RUNX3: variants seen among roughly 807,000 people sequenced by gnomAD.
RUNX3 encodes RUNX family transcription factor 3.
Under a neutral mutation model 27.7 loss-of-function variants are expected in RUNX3, and 10 were observed. The ratio of observed to expected loss-of-function variants is 0.36; its 90% CI spans 0.22 to 0.61. RUNX3 has a LOEUF of 0.61. Among genes scored for constraint, RUNX3 ranks in the 20% least tolerant of loss-of-function variants. The pLI is 0.72. For synonymous variants in RUNX3, 270 were observed against 269.2 expected (o/e 1.00, Z -0.03); for missense variants, 469 against 629.5 (o/e 0.75, Z 2.73).
chr1:24,942,176 G>C (rs576712124), intron 2 of RUNX3, among the ~76,000 whole-genome samples: 2 of 150,286 alleles, frequency 1.3e-5, no homozygotes, highest in South Asian at 2.1e-4. Flanking sequence ...CTTAGATGAG[G>C]GGGGGAGATG....
intron 2 of RUNX3, among the ~76,000 whole-genome samples, chr1:24,963,816 CT>C (rs969691456): frequency 1.3e-5 from 2 of 152,190 alleles, no homozygotes; most frequent in African/African-American, 2.4e-5. Flanking sequence ...CCCAGACCCC[CT>C]ATCCTTGCTG....
At chr1:24,911,683 C>T (rs901735320) in intron 3 of RUNX3, among the ~76,000 whole-genome samples, 20 of 152,260 alleles carry the variant, frequency 1.3e-4, no homozygotes, top group South Asian at 6.2e-4. Context: ...AGAGCCTGAG[C>T]AGCAAGGCAG....
At chr1:24,954,523 C>T (rs1176639034) in intron 2 of RUNX3, among the ~76,000 whole-genome samples, 1 of 152,180 alleles carries the variant, frequency 6.6e-6, no homozygotes, top group Non-Finnish European at 1.5e-5. Context: ...TGCTTGGTTT[C>T]GTGTTCTGTG....
chr1:24,929,281 G>A, intron 1 of RUNX3: 2 of 623,140 alleles, frequency 3.2e-6, no homozygotes, highest in South Asian at 3.0e-5. Flanking sequence ...CTGTATCTGA[G>A]CGATCCGGGT....
At chr1:24,959,504 A>G (rs1276526648) in intron 2 of RUNX3, among the ~76,000 whole-genome samples, 2 of 152,132 alleles carry the variant, frequency 1.3e-5, no homozygotes. Context: ...TCTCCCAGGG[A>G]TGGCGGGGAG....
chr1:24,929,073 C>T (rs1221440719), intron 1 of RUNX3: 3 of 458,236 alleles, frequency 6.5e-6, no homozygotes, highest in Non-Finnish European at 1.3e-5. Context: ...GAGCAAACGT[C>T]TGGAGAGCAG....
intron 2 of RUNX3, among the ~76,000 whole-genome samples, chr1:24,920,666 A>C (rs990633144): frequency 2.6e-5 from 4 of 152,210 alleles, no homozygotes; most frequent in Non-Finnish European, 5.9e-5. Context: ...ATTTGTGGCC[A>C]TCAGTTTCCC....
At chr1:24,926,928 C>T (rs1489212242) in intron 2 of RUNX3, among the ~76,000 whole-genome samples, 1 of 151,658 alleles carries the variant, frequency 6.6e-6, no homozygotes, top group Non-Finnish European at 1.5e-5. Flanking sequence ...CAACAGCCCC[C>T]CACCCCCGTC....
At chr1:24,953,375 AAAAAGAAAAG>A (rs747383127) in intron 2 of RUNX3, among the ~76,000 whole-genome samples, 2 of 137,098 alleles carry the variant, frequency 1.5e-5, no homozygotes, top group East Asian at 2.0e-4. Context: ...AAAAAAAAAA[AAAAAGAAAAG>A]AAAAGAAAAG....
intron 3 of RUNX3, among the ~76,000 whole-genome samples, chr1:24,909,589 A>G (rs1354428311): frequency 6.6e-6 from 1 of 152,174 alleles, no homozygotes. Flanking sequence ...GGCGAGAATG[A>G]CGCTGCTCTC....
At chr1:24,938,282 C>T (rs1052383824) in intron 2 of RUNX3, among the ~76,000 whole-genome samples, 3 of 152,226 alleles carry the variant, frequency 2.0e-5, no homozygotes, top group African/African-American at 7.2e-5. Flanking sequence ...CCCAGGAGGC[C>T]TCTCTGTCTT....
intron 2 of RUNX3, chr1:24,964,446 A>T: frequency 7.6e-7 from 1 of 1,317,956 alleles, no homozygotes; most frequent in Non-Finnish European, 1.1e-6. Flanking sequence ...CAGGGCGGTC[A>T]GTGGAGGGAC....
chr1:24,917,498 T>C (rs78223256), intron 3 of RUNX3, among the ~76,000 whole-genome samples: 1 of 152,016 alleles, frequency 6.6e-6, no homozygotes, highest in African/African-American at 2.4e-5. Context: ...ATGTCGCCCC[T>C]GATCTCCAGG....
chr1:24,915,706 G>C (rs1450336806), intron 3 of RUNX3, among the ~76,000 whole-genome samples: 1 of 152,110 alleles, frequency 6.6e-6, no homozygotes, highest in Non-Finnish European at 1.5e-5. Flanking sequence ...GGCCCCCGAG[G>C]CAGGAGTGTC....
In RUNX3 at chr1:24,947,663, T is replaced by C. The variant is rs181922971; in HGVS notation, c.58+16851A>G. ...CCCCACAGGAAGAAGAGGACAGAAA[T>C]GATTGCAGGGGGTTAACCTAGGCCC... On this transcript the variant is annotated intron_variant, in intron 2 of 6. Coordinates refer to the RUNX3 transcript ENST00000338888. Among the ~76,000 whole-genome samples, 1,281 of 152,226 alleles carry C rather than the reference T, an allele frequency of 8.4e-3. 8 individuals carry two copies. Among genetic ancestry groups the C allele is most frequent in the Non-Finnish European group, 0.014 (954 of 67,976 alleles).
chr1:24,902,350 G>T lies in RUNX3; in HGVS notation c.1020C>A (p.Ser340=). 2 of 1,611,890 alleles carry T rather than the reference G, an allele frequency of 1.2e-6. No homozygotes were observed. Among genetic ancestry groups the T allele is most frequent in the Non-Finnish European group, 1.7e-6 (2 of 1,179,784 alleles). The change falls in exon 5 of 5, where the codon TCC becomes TCA. Residue 340 remains serine (S), a synonymous_variant. Transcript: ENST00000308873. The surrounding 1 kb of genome is among the most constrained non-coding windows in gnomAD (Gnocchi z 9.2). ...YHLYYGTSSG[S]YQFSMVAGSS... is the part of the protein sequence containing the mutation. ...TGCCGGCCACCATGGAGAACTGGTA[G>T]GAGCCAGAGGATGTCCCGTAGTAGA...
chr1:24,902,366 C>T lies in RUNX3; in HGVS notation c.1004G>A (p.Gly335Glu). The T allele has an allele frequency of 6.2e-7, 1 of 1,612,358 alleles. No individual in the cohort carries two copies. The stretch of plus-strand genomic sequence containing the variant: ...GAACTGGTAGGAGCCAGAGGATGTC[C>T]CGTAGTAGAGGTGGTAGGGGGACGG... ...ANPSPYHLYYGTSSGSYQFSM... is the reference protein window; with the variant it reads ...ANPSPYHLYYETSSGSYQFSM... The change falls in exon 5 of 5, where the codon GGG becomes GAG. Residue 335 changes from glycine to glutamate, a missense_variant. Transcript: ENST00000308873. This position sits in a 1 kb window ranked among gnomAD's most constrained non-coding sequence, Gnocchi z 9.2.
Position 24,938,517 on chromosome 1 carries a change from C to T in RUNX3, c.59-8665G>A, listed in dbSNP as rs147395907. Among the ~76,000 whole-genome samples the T allele has an allele frequency of 2.1e-3, 313 of 152,236 alleles. 1 individual carries two copies. Among genetic ancestry groups the T allele is most frequent in the African/African-American group, 6.8e-3 (281 of 41,538 alleles). On this transcript the variant is annotated intron_variant, in intron 2 of 6. Coordinates refer to the RUNX3 transcript ENST00000338888. ...GCATCAGCTCAGCTTGCCCTTGTCC[C>T]GCCGCCTTTAGCCCAGGTGGTCTGT...
intron 2 of RUNX3, chr1:24,963,085 C>T (rs11803650): frequency 6.6e-6 from 1 of 152,298 alleles, no homozygotes; most frequent in East Asian, 1.9e-4. Flanking sequence ...TGCCGCTCAT[C>T]ATCAGCTACA....
Sources: gnomAD v4.1 joint callset for allele counts (sites outside exome capture counted in the v4.1 genomes callset) on GRCh38, gnomAD v4.1.1 for gene constraint, Gnocchi (gnomAD v3.1) non-coding constraint, MANE v1.5 for transcripts, NCBI Gene and HGNC (gene_info 2026-07-23, HGNC 2026-07-21) for gene names.